Variants in ZC2HC1A observed in about 807,000 individuals in gnomAD.
ZC2HC1A encodes the protein zinc finger C2HC-type containing 1A.
In ZC2HC1A, 28 loss-of-function variants were observed where a neutral mutation model predicts 40.7. The ratio of observed to expected loss-of-function variants is 0.69; its 90% CI spans 0.51 to 0.94. ZC2HC1A has a LOEUF of 0.94. Among genes scored for constraint, ZC2HC1A ranks in the 40% least tolerant of loss-of-function variants. The pLI, the probability that ZC2HC1A is intolerant of heterozygous loss-of-function variation, is 0.00. For synonymous variants in ZC2HC1A, 129 were observed against 129.2 expected (o/e 1.00, Z 0.01); for missense variants, 389 against 386.3 (o/e 1.01, Z -0.06).
intron 7 of ZC2HC1A, among the ~76,000 whole-genome samples, chr8:78,707,897 T>G (rs539838045): frequency 8.6e-5 from 13 of 152,026 alleles, no homozygotes; most frequent in Admixed American, 5.2e-4. Context: ...GATTTGTTTC[T>G]CTTGCTAGAT....
chr8:78,676,098 C>T lies in ZC2HC1A; in HGVS notation c.93+235C>T, dbSNP rs767206593. The T allele has an allele frequency of 2.1e-4, 72 of 338,804 alleles. 1 individual carries two copies. Among genetic ancestry groups the T allele is most frequent in the African/African-American group, 2.8e-4 (13 of 46,356 alleles). The allele number at this position is 338,804 out of a possible 1,614,324, so 21.0% of individuals were successfully genotyped here. ...AAGTTTAAAGGTATTCCTCATTTTA[C>T]GAGACTCTTACCAAAAACAAACAAA... On this transcript the variant is annotated intron_variant, in intron 2 of 8. Transcript: ENST00000263849.
At chr8:78,703,642 C>A (rs1488561837) in intron 7 of ZC2HC1A, among the ~76,000 whole-genome samples, 1 of 147,950 alleles carries the variant, frequency 6.8e-6, no homozygotes, top group Non-Finnish European at 1.5e-5. Context: ...GTAAATTTTT[C>A]TCCATCCCTT....
chr8:78,682,563 A>G (rs1057143483), intron 3 of ZC2HC1A, among the ~76,000 whole-genome samples: 10 of 152,150 alleles, frequency 6.6e-5, no homozygotes, highest in African/African-American at 2.2e-4. Context: ...CCGTGATTCA[A>G]TTACCTCCCA....
chr8:78,717,041 C>G (rs1386500774), intron 8 of ZC2HC1A, among the ~76,000 whole-genome samples: 1 of 152,048 alleles, frequency 6.6e-6, no homozygotes, highest in Non-Finnish European at 1.5e-5. Context: ...TTATAAATTA[C>G]CCAGTCTCAG....
intron 5 of ZC2HC1A, among the ~76,000 whole-genome samples, chr8:78,694,668 G>T (rs1356757618): frequency 6.6e-6 from 1 of 151,996 alleles, no homozygotes; most frequent in African/African-American, 2.4e-5. Context: ...TGAAAGGTTG[G>T]TCTAAATAGT....
intron 4 of ZC2HC1A, among the ~76,000 whole-genome samples, chr8:78,687,963 T>C (rs1201372182): frequency 6.9e-6 from 1 of 144,454 alleles, no homozygotes; most frequent in African/African-American, 2.5e-5. Flanking sequence ...TATCTATATT[T>C]ATATATAAAT....
At chr8:78,686,354 A>C (rs1809970804) in intron 3 of ZC2HC1A, 113 bp from the exon 4 acceptor site, 1 of 884,814 alleles carries the variant, frequency 1.1e-6, no homozygotes, top group Non-Finnish European at 1.5e-6. Context: ...TCATTTAAGG[A>C]CTCCTGATAA....
At position 78,715,299 on chromosome 8, in the gene ZC2HC1A, A is replaced by G. The variant is rs1003982517; in HGVS notation, c.783A>G (p.Arg261=). The change falls in exon 8 of 9, where the codon AGA becomes AGG. Residue 261 remains arginine, a synonymous_variant. Coordinates refer to ENST00000263849, the MANE Select transcript of ZC2HC1A (RefSeq NM_016010.3). ...NPAPGVLTNK[R]KTYTESYIAR... is the part of the protein sequence containing the mutation. ...CCCCAGGTGTGCTTACAAACAAAAGAAAAACATATACTGAGAGCTACATAG... is the reference window on the plus strand; with the variant it reads ...CCCCAGGTGTGCTTACAAACAAAAGGAAAACATATACTGAGAGCTACATAG... The G allele has an allele frequency of 2.5e-6, 4 of 1,613,738 alleles. No homozygotes were observed. The highest frequency in any genetic ancestry group is 2.7e-5 in the African/African-American group (2 of 74,904).
At chr8:78,683,075 G>A (rs547549823) in intron 3 of ZC2HC1A, among the ~76,000 whole-genome samples, 1 of 152,192 alleles carries the variant, frequency 6.6e-6, no homozygotes, top group Non-Finnish European at 1.5e-5. Context: ...TCTTTGCAGG[G>A]TACAGCCCCC....
chr8:78,691,107 T>G (rs1022083250), intron 5 of ZC2HC1A, among the ~76,000 whole-genome samples: 1 of 152,186 alleles, frequency 6.6e-6, no homozygotes, highest in Non-Finnish European at 1.5e-5. Context: ...AGACTAATGT[T>G]GAATAGAGGT....
Position 78,675,676 on chromosome 8 carries a change from T to A in ZC2HC1A, c.17-111T>A. ...GCTTATTTCAAAATGCAGTAAAACA[T>A]TTTTCACAAAAACTGATAATTTACC... On this transcript the variant is annotated intron_variant, in intron 1 of 8. Coordinates refer to ENST00000263849, the MANE Select transcript of ZC2HC1A (RefSeq NM_016010.3). 10 of 1,019,360 alleles carry A rather than the reference T, an allele frequency of 9.8e-6. No homozygotes were observed. The South Asian group carries it at 1.7e-4, about 18-fold the overall frequency. 63.1% of individuals were successfully genotyped at this position (1,019,360 alleles called of 1,614,324 possible).
rs149151280 is a variant in ZC2HC1A, at chr8:78,679,888, C to T, written c.210+1209C>T. ...ATAAGCTGTATAAATCAATATATGA[C>T]GTTTTTCTTAGTTACCTGCTGCCTA... is the stretch of plus-strand genomic sequence containing the variant. On this transcript the variant is annotated intron_variant, in intron 3 of 8. Coordinates refer to ENST00000263849, the MANE Select transcript of ZC2HC1A (RefSeq NM_016010.3). Among the ~76,000 whole-genome samples, 1,374 of 152,138 alleles carry T rather than the reference C, an allele frequency of 9.0e-3. 27 individuals carry two copies. Among genetic ancestry groups the T allele is most frequent in the African/African-American group, 0.031 (1,296 of 41,498 alleles).
chr8:78,673,330 G>A (rs937269262), intron 1 of ZC2HC1A, among the ~76,000 whole-genome samples: 1 of 152,126 alleles, frequency 6.6e-6, no homozygotes, highest in African/African-American at 2.4e-5. Flanking sequence ...GGGCATTTGG[G>A]TTGGTTCTAA....
At chr8:78,716,317 G>T (rs1226687319) in intron 8 of ZC2HC1A, among the ~76,000 whole-genome samples, 1 of 151,388 alleles carries the variant, frequency 6.6e-6, no homozygotes, top group South Asian at 2.1e-4. Flanking sequence ...TAGAGACGGG[G>T]TTTCACCATG....
chr8:78,674,389 A>G (rs1041044363), intron 1 of ZC2HC1A, among the ~76,000 whole-genome samples: 1 of 152,226 alleles, frequency 6.6e-6, no homozygotes, highest in African/African-American at 2.4e-5. Context: ...AACTATAAGC[A>G]AGCTTAATAG....
chr8:78,702,635 G>A (rs1365359680), intron 7 of ZC2HC1A, among the ~76,000 whole-genome samples: 2 of 152,126 alleles, frequency 1.3e-5, no homozygotes, highest in African/African-American at 4.8e-5. Context: ...CCTTAGCTGT[G>A]TTCTAGAGAG....
At chr8:78,667,668 T>C (rs544060569) in intron 1 of ZC2HC1A, among the ~76,000 whole-genome samples, 53 of 152,312 alleles carry the variant, frequency 3.5e-4, no homozygotes, top group African/African-American at 1.3e-3. Context: ...AATAAATGTC[T>C]ATTATGGGCA....
At chr8:78,700,813 T>C (rs1012714345) in intron 7 of ZC2HC1A, among the ~76,000 whole-genome samples, 2 of 152,172 alleles carry the variant, frequency 1.3e-5, no homozygotes, top group Non-Finnish European at 2.9e-5. Context: ...CAGATAGTAG[T>C]AGGTGTGTGG....
At chr8:78,683,487 T>G (rs1025457715) in intron 3 of ZC2HC1A, among the ~76,000 whole-genome samples, 1 of 152,166 alleles carries the variant, frequency 6.6e-6, no homozygotes, top group Admixed American at 6.5e-5. Context: ...CCTTGGCCCC[T>G]TTTAGCCATG....
Sources: gnomAD v4.1 joint callset for allele counts (sites outside exome capture counted in the v4.1 genomes callset) on GRCh38, gnomAD v4.1.1 for gene constraint, MANE v1.5 for transcripts, NCBI Gene and HGNC (gene_info 2026-07-23, HGNC 2026-07-21) for gene names.